GRIN2A: variants seen among roughly 807,000 people sequenced by gnomAD.
GRIN2A encodes glutamate receptor ionotropic, NMDA 2A.
Under a neutral mutation model 113.4 loss-of-function variants are expected in GRIN2A, and 22 were observed. The ratio of observed to expected loss-of-function variants is 0.19; its 90% CI spans 0.14 to 0.28. GRIN2A has a LOEUF of 0.28. GRIN2A is among the 10% of genes least tolerant of loss of function. The probability of loss-of-function intolerance (pLI) is 1.00; values close to 1 mark genes in which losing one functional copy is unlikely to be tolerated. For missense variants in GRIN2A, 1,502 were observed against 1,887.0 expected (o/e 0.80, Z 3.78); for synonymous variants, 827 against 738.4 (o/e 1.12, Z -1.94).
chr16:9,951,677 A>G (rs1337150650), intron 2 of GRIN2A, among the ~76,000 whole-genome samples: 2 of 152,206 alleles, frequency 1.3e-5, no homozygotes, highest in South Asian at 4.1e-4. Context: ...GAAAAAAATG[A>G]TGGTTTGTTT....
At chr16:9,816,653 G>C (rs1178574316) in intron 10 of GRIN2A, among the ~76,000 whole-genome samples, 1 of 152,188 alleles carries the variant, frequency 6.6e-6, no homozygotes, top group East Asian at 1.9e-4. Context: ...TGATGACTGA[G>C]CATTTGTAAA....
At chr16:10,046,645 TACAC>T (rs369417939) in intron 2 of GRIN2A, among the ~76,000 whole-genome samples, 1 of 151,500 alleles carries the variant, frequency 6.6e-6, no homozygotes, top group African/African-American at 2.4e-5. Flanking sequence ...GAGCAGCAGC[TACAC>T]ACACACACAC....
At chr16:10,070,922 C>A (rs971021690) in intron 2 of GRIN2A, among the ~76,000 whole-genome samples, 1 of 152,162 alleles carries the variant, frequency 6.6e-6, no homozygotes, top group African/African-American at 2.4e-5. Context: ...CTCCTCCTCT[C>A]CCTATTTCTC....
chr16:10,103,973 C>T (rs1351092230), intron 2 of GRIN2A, among the ~76,000 whole-genome samples: 2 of 152,232 alleles, frequency 1.3e-5, no homozygotes, highest in African/African-American at 4.8e-5. Flanking sequence ...CTTCCAGCAG[C>T]CTGTACCTCC....
intron 10 of GRIN2A, among the ~76,000 whole-genome samples, chr16:9,809,360 G>A (rs1270855805): frequency 6.6e-6 from 1 of 152,068 alleles, no homozygotes; most frequent in Non-Finnish European, 1.5e-5. Flanking sequence ...AACCTGGGAG[G>A]CAGAGGTTGC....
intron 3 of GRIN2A, among the ~76,000 whole-genome samples, chr16:9,934,315 T>G (rs1000597054): frequency 1.3e-5 from 2 of 152,210 alleles, no homozygotes; most frequent in African/African-American, 4.8e-5. Flanking sequence ...AAATTATATC[T>G]TAATTCATCT....
chr16:9,754,474 A>G lies in GRIN2A; in HGVS notation c.*8675T>C, dbSNP rs1219650313. ...CCAGTGAAAAATTTGGGGAACATGA[A>G]TGTTAAAAGTTCCACTTTCATCTTT... On this transcript the variant is annotated 3_prime_UTR_variant, in exon 13 of 13. Coordinates refer to ENST00000330684, the MANE Select transcript of GRIN2A (RefSeq NM_001134407.3). 1 of 210,484 alleles carries G rather than the reference A, an allele frequency of 4.8e-6. No homozygotes were observed. The highest frequency in any genetic ancestry group is 2.3e-5 in the African/African-American group (1 of 44,066). 13.0% of individuals were successfully genotyped at this position (210,484 alleles called of 1,614,324 possible).
At position 9,757,377 on chromosome 16, in the gene GRIN2A, AAAG is replaced by A. The variant is rs1205232066; in HGVS notation, c.*5769_*5771del. On this transcript the variant is annotated 3_prime_UTR_variant, in exon 13 of 13. Transcript: ENST00000330684. ...GAAGGACTTTTTTTTTTTTTTTAAAAAAGGTATGCTCATAGAATCAGATTATTT... is the reference window on the plus strand; with the variant it reads ...GAAGGACTTTTTTTTTTTTTTTAAAAGTATGCTCATAGAATCAGATTATTT... The A allele has an allele frequency of 4.4e-6, 1 of 227,028 alleles. No individual in the cohort carries two copies. Among genetic ancestry groups the A allele is most frequent in the Non-Finnish European group, 8.7e-6 (1 of 114,358 alleles). 14.1% of individuals were successfully genotyped at this position (227,028 alleles called of 1,614,324 possible). A position where few individuals can be genotyped will look rare whatever the true frequency, so the allele number is the denominator to read the frequency against.
At chr16:10,058,650 A>T (rs1001672857) in intron 2 of GRIN2A, among the ~76,000 whole-genome samples, 1 of 152,244 alleles carries the variant, frequency 6.6e-6, no homozygotes, top group Non-Finnish European at 1.5e-5. Context: ...ATTTTTCCCC[A>T]TCCAAGTTTA....
At chr16:10,101,392 G>T (rs551594122) in intron 2 of GRIN2A, among the ~76,000 whole-genome samples, 1 of 152,188 alleles carries the variant, frequency 6.6e-6, no homozygotes, top group Non-Finnish European at 1.5e-5. Context: ...ACAAGAACCA[G>T]GTAAGTTAAG....
At chr16:9,851,109 AC>A (rs2042875630) in intron 4 of GRIN2A, among the ~76,000 whole-genome samples, 1 of 152,100 alleles carries the variant, frequency 6.6e-6, no homozygotes, top group Admixed American at 6.6e-5. Flanking sequence ...TGAATCTCAA[AC>A]CCTTAAAGAG....
intron 2 of GRIN2A, among the ~76,000 whole-genome samples, chr16:10,034,247 G>A (rs763765411): frequency 2.6e-5 from 4 of 152,100 alleles, no homozygotes; most frequent in Non-Finnish European, 2.9e-5. Context: ...GCTCAGGGCC[G>A]GGCATGGTGG....
At chr16:10,052,026 A>G (rs1181800149) in intron 2 of GRIN2A, among the ~76,000 whole-genome samples, 1 of 152,204 alleles carries the variant, frequency 6.6e-6, no homozygotes, top group South Asian at 2.1e-4. Flanking sequence ...GAAGACTTCA[A>G]GGGGGAAACT....
At position 9,841,420 on chromosome 16, in the gene GRIN2A, CA is replaced by C. The variant is rs55939593; in HGVS notation, c.1329-317del. Among the ~76,000 whole-genome samples, 8,247 of 152,256 alleles carry C rather than the reference CA, an allele frequency of 0.054. 366 individuals carry two copies. The highest frequency in any genetic ancestry group is 0.077 in the Non-Finnish European group (5,227 of 68,000). On this transcript the variant is annotated intron_variant, in intron 5 of 12. Coordinates refer to ENST00000330684, the MANE Select transcript of GRIN2A (RefSeq NM_001134407.3). ...AGTTGATATTTGTACACCCATTAAA[CA>C]GGTAAAAATTACCAACTCTTAAATT...
chr16:10,050,689 A>G (rs1567262853), intron 2 of GRIN2A, among the ~76,000 whole-genome samples: 1 of 152,172 alleles, frequency 6.6e-6, no homozygotes, highest in Non-Finnish European at 1.5e-5. Flanking sequence ...AAAGTACACA[A>G]TAAATGGAAT....
chr16:10,125,832 GA>G (rs944052377), intron 2 of GRIN2A, among the ~76,000 whole-genome samples: 1 of 152,012 alleles, frequency 6.6e-6, no homozygotes, highest in Non-Finnish European at 1.5e-5. Context: ...GGCTGGGTGG[GA>G]GGATGCTTAA....
At chr16:10,046,585 G>A (rs767865381) in intron 2 of GRIN2A, among the ~76,000 whole-genome samples, 40 of 152,010 alleles carry the variant, frequency 2.6e-4, no homozygotes, top group Non-Finnish European at 3.4e-4. Flanking sequence ...TCCCAATGCC[G>A]TATAGGATGG....
intron 3 of GRIN2A, among the ~76,000 whole-genome samples, chr16:9,930,062 C>G (rs2044553670): frequency 6.6e-6 from 1 of 152,112 alleles, no homozygotes; most frequent in South Asian, 2.1e-4. Context: ...AAAGGGAGGG[C>G]TGTGTTCCAG....
At chr16:10,093,500 T>C (rs1213155687) in intron 2 of GRIN2A, among the ~76,000 whole-genome samples, 3 of 152,178 alleles carry the variant, frequency 2.0e-5, no homozygotes, top group Admixed American at 1.3e-4. Flanking sequence ...CTGCGTAGCA[T>C]TGGCACCTTC....
Sources: allele counts gnomAD v4.1 joint callset (sites outside exome capture counted in the v4.1 genomes callset), GRCh38; gene constraint gnomAD v4.1.1; transcripts MANE v1.5; gene names NCBI Gene and HGNC (gene_info 2026-07-23, HGNC 2026-07-21).